The following CEP63 variants were observed in gnomAD, a reference collection of about 807,000 sequenced individuals.
CEP63 encodes the protein centrosomal protein of 63 kDa.
A neutral mutation model predicts 89.1 loss-of-function variants in CEP63; 84 were observed. The observed-to-expected ratio is 0.94, with a 90% CI of 0.79 to 1.13. The LOEUF is 1.13. Among genes scored for constraint, CEP63 ranks in the 50% most tolerant of loss-of-function variants. The probability of loss-of-function intolerance (pLI) is 0.00; values close to 1 mark genes in which losing one functional copy is unlikely to be tolerated. For missense variants in CEP63, 838 were observed against 813.3 expected, an observed-to-expected ratio of 1.03 and a Z score of -0.37; for synonymous variants, 267 against 272.5, an observed-to-expected ratio of 0.98 and a Z score of 0.20.
At chr3:134,496,566 A>G (rs187149927) in intron 2 of CEP63, among the ~76,000 whole-genome samples, 7 of 152,290 alleles carry the variant, frequency 4.6e-5, no homozygotes, top group Admixed American at 2.0e-4. Flanking sequence ...ATCACAAGTG[A>G]CAGCCAGACA....
At chr3:134,701,182 A>G in the CEP63 span, among the ~76,000 whole-genome samples, 4 of 116,886 alleles carry the variant, frequency 3.4e-5, no homozygotes, top group Admixed American at 9.9e-5. Flanking sequence ...TACATACATT[A>G]TATATATATA....
chr3:134,640,673 G>A, the CEP63 span, among the ~76,000 whole-genome samples: 1 of 152,170 alleles, frequency 6.6e-6, no homozygotes. Context: ...AATGGCAGGT[G>A]CTGGCACCAA....
At chr3:134,636,594 G>A in the CEP63 span, among the ~76,000 whole-genome samples, 2 of 152,316 alleles carry the variant, frequency 1.3e-5, no homozygotes, top group East Asian at 3.9e-4. Flanking sequence ...CAACCCACCA[G>A]CTGACAACAA....
downstream of CEP63, among the ~76,000 whole-genome samples, chr3:134,589,698 A>G (rs1245794968): frequency 2.6e-5 from 4 of 152,166 alleles, no homozygotes; most frequent in Non-Finnish European, 4.4e-5. Context: ...GTGATTTCTC[A>G]AAGAACTTAA....
chr3:134,667,905 A>G, the CEP63 span, among the ~76,000 whole-genome samples: 1 of 152,254 alleles, frequency 6.6e-6, no homozygotes, highest in Non-Finnish European at 1.5e-5. Flanking sequence ...AGTAGGCAAC[A>G]AATATAAATC....
Position 134,558,347 on chromosome 3 carries a change from A to ACGCCT in CEP63, c.1673_1673+1insCGCCT (p.Lys558AsnfsTer14). 6.3e-7 allele frequency: 1 copy of ACGCCT among 1,589,018 alleles called. No individual in the cohort carries two copies. The highest frequency in any genetic ancestry group is 8.6e-7 in the Non-Finnish European group (1 of 1,165,232). On this transcript the variant is annotated frameshift_variant and splice_region_variant. Coordinates refer to ENST00000675561, the MANE Select transcript of CEP63 (RefSeq NM_001353108.3). LOFTEE classifies it high-confidence loss of function. Reference sequence around the variant, plus strand: ...ACTGAGTTCAAGAATACAGAGTTCAAGTAAAATTTTTTAAAAGTTTATTTA... The same window carrying ACGCCT: ...ACTGAGTTCAAGAATACAGAGTTCAACGCCTGTAAAATTTTTTAAAAGTTTATTTA...
chr3:134,604,536 T>C, the CEP63 span: 4 of 1,413,172 alleles, frequency 2.8e-6, no homozygotes, highest in East Asian at 4.6e-5. Context: ...TGCTGGTAAA[T>C]GTTTAACAAC....
rs1957547428 is a variant in CEP63, at chr3:134,563,719, G to A, written c.*2184G>A. 1 of 152,200 alleles carries A rather than the reference G, an allele frequency of 6.6e-6. No individual in the cohort carries two copies. The highest frequency in any genetic ancestry group is 2.4e-5 in the African/African-American group (1 of 41,426). 9.4% of individuals were successfully genotyped at this position (152,200 alleles called of 1,614,324 possible). On this transcript the variant is annotated 3_prime_UTR_variant, in exon 15 of 15. Transcript: ENST00000675561. The stretch of plus-strand genomic sequence containing the variant: ...TTATAAGCGTGAGCCACTGCACCCA[G>A]CCCCAAGGCTTCTTACTGCACTCAG...
intron 2 of CEP63, among the ~76,000 whole-genome samples, chr3:134,504,747 T>G (rs1415106669): frequency 6.6e-6 from 1 of 152,208 alleles, no homozygotes; most frequent in Non-Finnish European, 1.5e-5. Flanking sequence ...TTTGGATATT[T>G]GATCACTTTA....
At chr3:134,731,873 G>A in the CEP63 span, among the ~76,000 whole-genome samples, 1 of 152,146 alleles carries the variant, frequency 6.6e-6, no homozygotes, top group Admixed American at 6.6e-5. Flanking sequence ...CCAGAAAAAA[G>A]TTTGACAATA....
At chr3:134,654,745 C>A in the CEP63 span, among the ~76,000 whole-genome samples, 1 of 152,320 alleles carries the variant, frequency 6.6e-6, no homozygotes, top group East Asian at 1.9e-4. Flanking sequence ...TCCTTCAAGA[C>A]CCTGTGGGGA....
At chr3:134,714,991 G>T in the CEP63 span, among the ~76,000 whole-genome samples, 6 of 152,208 alleles carry the variant, frequency 3.9e-5, no homozygotes, top group African/African-American at 1.4e-4. Flanking sequence ...CCCAGCTAGG[G>T]AGGCAGGCCA....
the CEP63 span, among the ~76,000 whole-genome samples, chr3:134,630,447 C>G: frequency 6.6e-6 from 1 of 152,206 alleles, no homozygotes; most frequent in Non-Finnish European, 1.5e-5. Context: ...GAGGCAGACA[C>G]AGTTGTGGGG....
At chr3:134,607,477 A>C in the CEP63 span, 2 of 985,512 alleles carry the variant, frequency 2.0e-6, no homozygotes, top group Non-Finnish European at 1.2e-6. Flanking sequence ...TCCTGGGCGG[A>C]TGGAGGCCCC....
chr3:134,557,362 T>C (rs1045565787), intron 12 of CEP63, among the ~76,000 whole-genome samples: 1 of 141,836 alleles, frequency 7.1e-6, no homozygotes, highest in Non-Finnish European at 1.5e-5. Context: ...TTGACCAGCT[T>C]ACTTTCATAA....
the CEP63 span, among the ~76,000 whole-genome samples, chr3:134,765,737 C>A: frequency 6.6e-6 from 1 of 152,056 alleles, no homozygotes. Flanking sequence ...TGGGGTTGGC[C>A]ATGGTAGCTG....
chr3:134,530,934 A>G (rs1056479441), intron 3 of CEP63, among the ~76,000 whole-genome samples: 1 of 152,196 alleles, frequency 6.6e-6, no homozygotes, highest in African/African-American at 2.4e-5. Flanking sequence ...TTACCAGTAG[A>G]TGAAATTCTA....
At chr3:134,530,579 G>A (rs1233243513) in intron 3 of CEP63, among the ~76,000 whole-genome samples, 1 of 151,948 alleles carries the variant, frequency 6.6e-6, no homozygotes, top group African/African-American at 2.4e-5. Context: ...AAAAATAGAA[G>A]TTTTACATGG....
At chr3:134,584,956 G>GGTTTTTTTTTTTTTT (rs1958446629) in intron 10 of CEP63, among the ~76,000 whole-genome samples, 1 of 36,038 alleles carries the variant, frequency 2.8e-5, no homozygotes, top group African/African-American at 8.5e-5. Flanking sequence ...ATTTTCTAGG[G>GGTTTTTTTTTTTTTT]TTTTTTTTTT....
Sources: gnomAD v4.1 joint callset for allele counts (sites outside exome capture counted in the v4.1 genomes callset) on GRCh38, gnomAD v4.1.1 for gene constraint, MANE v1.5 for transcripts, NCBI Gene and HGNC (gene_info 2026-07-23, HGNC 2026-07-21) for gene names.